Variants in C1QTNF7 observed in about 807,000 individuals in gnomAD.
C1QTNF7 encodes the protein C1q and TNF related 7.
A neutral mutation model predicts 19.6 loss-of-function variants in C1QTNF7; 15 were observed. That is an observed-to-expected ratio of 0.76 (90% CI 0.51 to 1.18). C1QTNF7 has a LOEUF of 1.18. Ranked by LOEUF, C1QTNF7 falls within the 50% of genes most tolerant of loss-of-function variation. The pLI is 0.00. For synonymous variants in C1QTNF7, 142 were observed against 137.5 expected, an observed-to-expected ratio of 1.03 and a Z score of -0.23; for missense variants, 324 against 359.7, an observed-to-expected ratio of 0.90 and a Z score of 0.80.
intron 1 of C1QTNF7, among the ~76,000 whole-genome samples, chr4:15,366,196 G>A (rs756850259): frequency 6.6e-6 from 1 of 152,112 alleles, no homozygotes; most frequent in Non-Finnish European, 1.5e-5. Context: ...GACTTTTCTG[G>A]TTTTAGCACT....
intron 1 of C1QTNF7, among the ~76,000 whole-genome samples, chr4:15,375,085 C>T (rs1025255550): frequency 2.0e-5 from 3 of 151,788 alleles, no homozygotes; most frequent in Admixed American, 6.6e-5. Context: ...AGGCTGACAC[C>T]GACACTCGCG....
At chr4:15,354,172 G>A (rs1717045161) in intron 1 of C1QTNF7, among the ~76,000 whole-genome samples, 1 of 152,118 alleles carries the variant, frequency 6.6e-6, no homozygotes, top group African/African-American at 2.4e-5. Context: ...GGGTCTGAAG[G>A]AATGGGAGGA....
At chr4:15,368,291 A>T (rs1244207139) in intron 1 of C1QTNF7, among the ~76,000 whole-genome samples, 1 of 151,858 alleles carries the variant, frequency 6.6e-6, no homozygotes, top group Non-Finnish European at 1.5e-5. Context: ...ATTTTATTTT[A>T]ACCATTTTTT....
chr4:15,394,492 T>C (rs1300577965), intron 1 of C1QTNF7, among the ~76,000 whole-genome samples: 1 of 152,204 alleles, frequency 6.6e-6, no homozygotes, highest in Non-Finnish European at 1.5e-5. Context: ...AAAAACAAAT[T>C]CATCCTCATA....
At chr4:15,414,737 T>C (rs1307793542) in intron 1 of C1QTNF7, among the ~76,000 whole-genome samples, 1 of 152,152 alleles carries the variant, frequency 6.6e-6, no homozygotes, top group East Asian at 1.9e-4. Flanking sequence ...CCAGCAAGAA[T>C]CCTTTGGCAA....
chr4:15,425,252 T>C (rs1490797260), upstream of C1QTNF7, among the ~76,000 whole-genome samples: 1 of 152,134 alleles, frequency 6.6e-6, no homozygotes, highest in Admixed American at 6.5e-5. Context: ...AATCTACTGA[T>C]ATGCTCATTC....
intron 1 of C1QTNF7, among the ~76,000 whole-genome samples, chr4:15,401,637 C>A (rs372652975): frequency 2.6e-5 from 4 of 152,166 alleles, no homozygotes; most frequent in Admixed American, 2.0e-4. Context: ...GAGATCAGTT[C>A]TCTTCAGTCT....
At chr4:15,419,031 T>C (rs957954424) in intron 1 of C1QTNF7, among the ~76,000 whole-genome samples, 11 of 152,310 alleles carry the variant, frequency 7.2e-5, no homozygotes, top group African/African-American at 2.2e-4. Context: ...TAAAGTTACT[T>C]CCAAATCTGA....
At chr4:15,438,078 T>C (rs1409525480) in intron 2 of C1QTNF7, among the ~76,000 whole-genome samples, 1 of 152,216 alleles carries the variant, frequency 6.6e-6, no homozygotes, top group Admixed American at 6.5e-5. Flanking sequence ...AACTTACTAT[T>C]TGTCAGGACC....
intron 1 of C1QTNF7, among the ~76,000 whole-genome samples, chr4:15,387,959 A>G (rs1232028449): frequency 6.6e-6 from 1 of 152,212 alleles, no homozygotes; most frequent in Non-Finnish European, 1.5e-5. Context: ...GGAGAAGAGG[A>G]GAGAAGATGG....
At chr4:15,379,292 T>C (rs899993611) in intron 1 of C1QTNF7, among the ~76,000 whole-genome samples, 2 of 152,206 alleles carry the variant, frequency 1.3e-5, no homozygotes, top group African/African-American at 4.8e-5. Context: ...TTCATGATGC[T>C]TCTTGGGATC....
chr4:15,430,840 G>GA (rs534461176), intron 1 of C1QTNF7, among the ~76,000 whole-genome samples: 5 of 152,106 alleles, frequency 3.3e-5, no homozygotes, highest in African/African-American at 1.2e-4. Context: ...TTTTAAATGT[G>GA]AAAAAATGAA....
At chr4:15,431,756 G>A (rs910854493) in intron 1 of C1QTNF7, among the ~76,000 whole-genome samples, 13 of 152,150 alleles carry the variant, frequency 8.5e-5, no homozygotes, top group African/African-American at 2.7e-4. Context: ...AAGCCCTGCT[G>A]TAAGTGGTTG....
At chr4:15,393,295 C>T (rs1718653850) in intron 1 of C1QTNF7, among the ~76,000 whole-genome samples, 1 of 152,158 alleles carries the variant, frequency 6.6e-6, no homozygotes, top group Non-Finnish European at 1.5e-5. Context: ...GTCTTATCAG[C>T]AGCATGAAAA....
intron 1 of C1QTNF7, among the ~76,000 whole-genome samples, chr4:15,368,704 G>C (rs187590818): frequency 1.3e-5 from 2 of 152,280 alleles, no homozygotes; most frequent in Middle Eastern, 3.4e-3. Context: ...TGGGCATTTG[G>C]GTAGGTTCCA....
chr4:15,374,721 G>T, intron 1 of C1QTNF7: 1 of 985,338 alleles, frequency 1.0e-6, no homozygotes, highest in Non-Finnish European at 1.2e-6. Context: ...CCACATCTGC[G>T]CACACTAGAG....
Position 15,438,313 on chromosome 4 carries a change from C to G in C1QTNF7, c.238+2332C>G, listed in dbSNP as rs1712618070. 1.3e-5 allele frequency among the ~76,000 whole-genome samples: 2 copies of G among 152,066 alleles called. 1 individual carries two copies. The highest frequency in any genetic ancestry group is 4.1e-4 in the South Asian group (2 of 4,822). On this transcript the variant is annotated intron_variant, in intron 2 of 2. Transcript: ENST00000444304. ...ATATGATCGATGAAGAGAGGTGTAC[C>G]TCACTTATAAACTAGAGGAACAGCC...
At chr4:15,418,176 G>A (rs766094677) in intron 1 of C1QTNF7, among the ~76,000 whole-genome samples, 23 of 152,080 alleles carry the variant, frequency 1.5e-4, no homozygotes, top group Non-Finnish European at 3.1e-4. Flanking sequence ...ACAGTGATCA[G>A]CCATGATCAT....
chr4:15,434,328 T>C (rs935619731), intron 1 of C1QTNF7, among the ~76,000 whole-genome samples: 2 of 152,236 alleles, frequency 1.3e-5, no homozygotes, highest in African/African-American at 4.8e-5. Flanking sequence ...ATTCCTACGC[T>C]CTGGCAATTT....
Sources: gnomAD v4.1 joint callset for allele counts (sites outside exome capture counted in the v4.1 genomes callset) on GRCh38, gnomAD v4.1.1 for gene constraint, MANE v1.5 for transcripts, NCBI Gene and HGNC (gene_info 2026-07-23, HGNC 2026-07-21) for gene names.